Variants in EPHA3 observed in about 807,000 individuals in gnomAD.
EPHA3 encodes the protein EPH receptor A3, also known as ephrin type-A receptor 3.
EPHA3 carries 42 observed loss-of-function variants against 107.1 expected under a neutral mutation model. The ratio of observed to expected loss-of-function variants is 0.39; its 90% confidence interval spans 0.31 to 0.51. The LOEUF (loss-of-function observed/expected upper bound fraction) is 0.51. EPHA3 is among the 20% of genes least tolerant of loss of function. The probability of loss-of-function intolerance (pLI) is 0.78; values close to 1 mark genes in which losing one functional copy is unlikely to be tolerated. For synonymous variants in EPHA3, 461 were observed against 424.8 expected (o/e 1.09, Z -1.05); for missense variants, 1,183 against 1,211.2 (o/e 0.98, Z 0.35).
At chr3:89,398,129 T>C (rs1708886878) in intron 6 of EPHA3, among the ~76,000 whole-genome samples, 2 of 152,304 alleles carry the variant, frequency 1.3e-5, no homozygotes, top group South Asian at 4.2e-4. Flanking sequence ...ACTGGTTATT[T>C]CGCTGATGGT....
intron 3 of EPHA3, among the ~76,000 whole-genome samples, chr3:89,333,945 G>T (rs1219402674): frequency 6.6e-6 from 1 of 151,736 alleles, no homozygotes; most frequent in Non-Finnish European, 1.5e-5. Context: ...CTTTTCAGTT[G>T]TCTTTTTAAT....
intron 1 of EPHA3, among the ~76,000 whole-genome samples, chr3:89,109,539 G>A (rs1366568364): frequency 6.6e-6 from 1 of 151,898 alleles, no homozygotes; most frequent in African/African-American, 2.4e-5. Flanking sequence ...GCACAAGAAT[G>A]TAGCTGTTAG....
chr3:89,392,310 G>C (rs569217233), intron 5 of EPHA3, among the ~76,000 whole-genome samples: 1 of 151,846 alleles, frequency 6.6e-6, no homozygotes, highest in Non-Finnish European at 1.5e-5. Context: ...GTGGTGGCAC[G>C]CATCTGTAAT....
chr3:89,198,975 T>C (rs924178669), intron 2 of EPHA3, among the ~76,000 whole-genome samples: 1 of 152,184 alleles, frequency 6.6e-6, no homozygotes, highest in Admixed American at 6.5e-5. Flanking sequence ...CAAGCAGTTA[T>C]ACTGAATTCT....
At chr3:89,175,135 G>C (rs1705292098) in intron 2 of EPHA3, among the ~76,000 whole-genome samples, 1 of 148,708 alleles carries the variant, frequency 6.7e-6, no homozygotes, top group Admixed American at 6.7e-5. Context: ...TGTGTTGGTT[G>C]TATTTGGCAG....
At chr3:89,203,926 G>A (rs1011341085) in intron 2 of EPHA3, among the ~76,000 whole-genome samples, 2 of 152,172 alleles carry the variant, frequency 1.3e-5, no homozygotes, top group Non-Finnish European at 2.9e-5. Context: ...AGACATCTAT[G>A]AGCCCAGCTG....
At chr3:89,413,872 TAAC>T (rs1160295803) in intron 10 of EPHA3, among the ~76,000 whole-genome samples, 14 of 151,750 alleles carry the variant, frequency 9.2e-5, no homozygotes, top group African/African-American at 3.4e-4. Context: ...AAGTGGTTAA[TAAC>T]AGTTGCATAT....
At chr3:89,235,505 A>G (rs1036924039) in intron 3 of EPHA3, among the ~76,000 whole-genome samples, 5 of 152,092 alleles carry the variant, frequency 3.3e-5, no homozygotes, top group African/African-American at 1.2e-4. Context: ...TTAATATTAT[A>G]GATAATTCTT....
At chr3:89,201,017 A>C (rs985224729) in intron 2 of EPHA3, among the ~76,000 whole-genome samples, 18 of 152,294 alleles carry the variant, frequency 1.2e-4, no homozygotes, top group African/African-American at 3.6e-4. Flanking sequence ...GTTGCTATAA[A>C]AACACTACCT....
intron 2 of EPHA3, among the ~76,000 whole-genome samples, chr3:89,174,133 TTTTAA>T (rs1251475784): frequency 6.6e-6 from 1 of 152,070 alleles, no homozygotes; most frequent in Non-Finnish European, 1.5e-5. Context: ...TTTCAATTGA[TTTTAA>T]TTTAATTGTG....
intron 5 of EPHA3, among the ~76,000 whole-genome samples, chr3:89,352,902 C>CAAAAAAAAA (rs1215369952): frequency 7.3e-5 from 3 of 41,004 alleles, no homozygotes; most frequent in African/African-American, 2.9e-4. Flanking sequence ...GACTCTGTCT[C>CAAAAAAAAA]AAAAAAAAAA....
intron 5 of EPHA3, among the ~76,000 whole-genome samples, chr3:89,368,285 C>T (rs531644990): frequency 6.7e-6 from 1 of 150,052 alleles, no homozygotes; most frequent in African/African-American, 2.4e-5. Context: ...TTAAAGCAAT[C>T]TTCATTAATT....
chr3:89,111,793 TG>T (rs1448398084), intron 1 of EPHA3, among the ~76,000 whole-genome samples: 5 of 152,098 alleles, frequency 3.3e-5, no homozygotes, highest in Non-Finnish European at 5.9e-5. Flanking sequence ...ATAATTTGAG[TG>T]GTGAAAAGGT....
chr3:89,252,518 C>T (rs570250071), intron 3 of EPHA3, among the ~76,000 whole-genome samples: 1 of 152,138 alleles, frequency 6.6e-6, no homozygotes, highest in South Asian at 2.1e-4. Context: ...ATCTCTTACC[C>T]CAGGGGTTCA....
At chr3:89,447,042 T>C (rs1342779702) in intron 13 of EPHA3, among the ~76,000 whole-genome samples, 2 of 152,146 alleles carry the variant, frequency 1.3e-5, no homozygotes, top group African/African-American at 4.8e-5. Flanking sequence ...CCTGAGTAGA[T>C]TCTGTTCAAT....
intron 7 of EPHA3, among the ~76,000 whole-genome samples, chr3:89,406,131 G>T (rs1426053844): frequency 1.3e-5 from 2 of 152,126 alleles, no homozygotes; most frequent in Non-Finnish European, 2.9e-5. Flanking sequence ...CTTAAACTAG[G>T]ATATTTAAGA....
At chr3:89,147,519 C>T (rs1704589911) in intron 2 of EPHA3, among the ~76,000 whole-genome samples, 2 of 151,986 alleles carry the variant, frequency 1.3e-5, no homozygotes, top group Non-Finnish European at 2.9e-5. Flanking sequence ...GCAAAAGTTA[C>T]AGCCACAGTG....
At chr3:89,263,011 G>C (rs1186479152) in intron 3 of EPHA3, among the ~76,000 whole-genome samples, 2 of 138,752 alleles carry the variant, frequency 1.4e-5, no homozygotes, top group African/African-American at 5.4e-5. Context: ...TAAGTTCTCG[G>C]ATACATGTGC....
In EPHA3 at chr3:89,481,588, A is replaced by T. The variant is rs1303433597; in HGVS notation, c.*2086A>T. 3.9e-5 allele frequency: 9 copies of T among 232,570 alleles called. No homozygotes were observed. In the East Asian group the frequency reaches 5.5e-4, roughly 14 times the overall value. 14.4% of individuals were successfully genotyped at this position (232,570 alleles called of 1,614,324 possible). On this transcript the variant is annotated 3_prime_UTR_variant, in exon 17 of 17. Coordinates refer to ENST00000336596, the MANE Select transcript of EPHA3 (RefSeq NM_005233.6). ...TTTCATAAACTAATAGAAGTTGAGGATTGTTGAATCTATTTCACTTATTTT... is the reference window on the plus strand; with the variant it reads ...TTTCATAAACTAATAGAAGTTGAGGTTTGTTGAATCTATTTCACTTATTTT...
Sources: allele counts gnomAD v4.1 joint callset (sites outside exome capture counted in the v4.1 genomes callset), GRCh38; gene constraint gnomAD v4.1.1; transcripts MANE v1.5; gene names NCBI Gene and HGNC (gene_info 2026-07-23, HGNC 2026-07-21).